The following TBCE variants were observed in gnomAD, a reference collection of about 807,000 sequenced individuals.
TBCE encodes tubulin-specific chaperone E.
TBCE carries 53 observed loss-of-function variants against 77.0 expected under a neutral mutation model. The ratio of observed to expected loss-of-function variants is 0.69; its 90% CI spans 0.55 to 0.87. TBCE has a LOEUF of 0.87. TBCE is among the 40% of genes least tolerant of loss of function. TBCE has a pLI of 0.00. For synonymous variants in TBCE, 235 were observed against 241.3 expected, an observed-to-expected ratio of 0.97 and a Z score of 0.24; for missense variants, 624 against 622.4, an observed-to-expected ratio of 1.00 and a Z score of -0.03.
At chr1:235,442,584 A>AT (rs1431729408) in intron 14 of TBCE, among the ~76,000 whole-genome samples, 1 of 152,232 alleles carries the variant, frequency 6.6e-6, no homozygotes, top group Non-Finnish European at 1.5e-5. Flanking sequence ...TGTGAACCAA[A>AT]TTGTGATTTG....
In TBCE at chr1:235,436,738, A is replaced by AC. The variant is rs60243825; in HGVS notation, c.963+130_963+131insC. 89,511 of 922,004 alleles carry AC rather than the reference A, an allele frequency of 0.097. 11,177 individuals are homozygous for AC. The highest frequency in any genetic ancestry group is 0.49 in the East Asian group (19,235 of 39,536). 57.1% of individuals were successfully genotyped at this position (922,004 alleles called of 1,614,324 possible). ...GAAAGAGAAATACCTCCTCAGAGTG[A>AC]AACTCCTCATAAGAAGCCAAAAATA... On this transcript the variant is annotated intron_variant, in intron 11 of 16. Transcript: ENST00000642610.
chr1:235,417,068 T>G (rs1680150987), intron 4 of TBCE, among the ~76,000 whole-genome samples: 1 of 152,228 alleles, frequency 6.6e-6, no homozygotes, highest in South Asian at 2.1e-4. Context: ...TCTTATCTCA[T>G]CAATAAAATC....
chr1:235,440,217 A>G (rs537095351), intron 13 of TBCE, among the ~76,000 whole-genome samples: 1,582 of 151,810 alleles, frequency 0.01, 18 homozygotes, highest in African/African-American at 0.034. Context: ...TGATCCACCC[A>G]CCTTGGCCTC....
intron 12 of TBCE, among the ~76,000 whole-genome samples, chr1:235,438,481 G>A (rs980458483): frequency 7.9e-5 from 12 of 151,778 alleles, no homozygotes; most frequent in African/African-American, 2.9e-4. Context: ...CTGGGAGGTG[G>A]AGGTTGCAGT....
At chr1:235,406,975 TA>T (rs1261674856) in intron 3 of TBCE, among the ~76,000 whole-genome samples, 1 of 151,660 alleles carries the variant, frequency 6.6e-6, no homozygotes, top group African/African-American at 2.4e-5. Context: ...GCTGGTATTA[TA>T]GGAAAGTGCC....
At chr1:235,379,126 T>C (rs1258809480) in intron 1 of TBCE, among the ~76,000 whole-genome samples, 1 of 152,176 alleles carries the variant, frequency 6.6e-6, no homozygotes, top group African/African-American at 2.4e-5. Flanking sequence ...AACTATTATG[T>C]TTTTGCAGGA....
chr1:235,433,993 G>A, intron 7 of TBCE: 1 of 600,228 alleles, frequency 1.7e-6, no homozygotes, highest in Non-Finnish European at 3.0e-6. Flanking sequence ...CCCACAGTGT[G>A]TGCTCCCACA....
rs551239991 is a variant in TBCE at position 235,369,923 on chromosome 1, G to A, written c.-32+2419G>A. Among the ~76,000 whole-genome samples the A allele has an allele frequency of 2.4e-4, 36 of 151,738 alleles. 1 individual carries two copies. In the South Asian group the frequency reaches 6.0e-3, roughly 25 times the overall value. On this transcript the variant is annotated intron_variant, in intron 1 of 16. Coordinates refer to ENST00000642610, the MANE Select transcript of TBCE (RefSeq NM_003193.5). Reference sequence around the variant, plus strand: ...CCTGCTTCACTGCTGATCTCATGTCGTTCTCATCTCCTGTTTGCTCTACTG... The same window carrying A: ...CCTGCTTCACTGCTGATCTCATGTCATTCTCATCTCCTGTTTGCTCTACTG...
chr1:235,372,942 AAAAG>A (rs1053728611), intron 1 of TBCE, among the ~76,000 whole-genome samples: 4 of 151,750 alleles, frequency 2.6e-5, no homozygotes, highest in African/African-American at 9.6e-5. Flanking sequence ...AAAAAAAAAA[AAAAG>A]AGAGAAATTA....
At chr1:235,398,652 T>G (rs1678895319) in intron 2 of TBCE, among the ~76,000 whole-genome samples, 1 of 147,388 alleles carries the variant, frequency 6.8e-6, no homozygotes, top group African/African-American at 2.5e-5. Flanking sequence ...AAGGTCTTAC[T>G]CCATTGCTCA....
At chr1:235,440,241 A>G (rs1217499254) in intron 13 of TBCE, among the ~76,000 whole-genome samples, 4 of 152,160 alleles carry the variant, frequency 2.6e-5, no homozygotes, top group Non-Finnish European at 5.9e-5. Context: ...GAGTGCTGGG[A>G]TTACAGGCGT....
chr1:235,435,377 A>G (rs901362116), intron 8 of TBCE, among the ~76,000 whole-genome samples: 1 of 152,122 alleles, frequency 6.6e-6, no homozygotes, highest in African/African-American at 2.4e-5. Context: ...CTGGGATTAC[A>G]GGTGTGAGCC....
chr1:235,448,329 C>CTT lies in TBCE; in HGVS notation c.1400-17_1400-16dup. 1 of 1,608,966 alleles carries CTT rather than the reference C, an allele frequency of 6.2e-7. No individual in the cohort carries two copies. Among genetic ancestry groups the CTT allele is most frequent in the Non-Finnish European group, 8.5e-7 (1 of 1,176,226 alleles). The stretch of plus-strand genomic sequence containing the variant: ...ACTGTCATTTGAGAGAACGAATGGA[C>CTT]TTTTCTTGTCTTTTGATAGGCTCCA... On this transcript the variant is annotated intron_variant, in intron 15 of 16. Coordinates refer to ENST00000642610, the MANE Select transcript of TBCE (RefSeq NM_003193.5).
At chr1:235,371,345 C>T (rs541449696) in intron 1 of TBCE, among the ~76,000 whole-genome samples, 3 of 149,438 alleles carry the variant, frequency 2.0e-5, no homozygotes, top group East Asian at 2.0e-4. Context: ...CGTGAGCCAC[C>T]GCCCCCGGCC....
chr1:235,413,410 C>T (rs760609794), intron 3 of TBCE, among the ~76,000 whole-genome samples: 2 of 151,586 alleles, frequency 1.3e-5, no homozygotes, highest in African/African-American at 4.8e-5. Flanking sequence ...GCCTGTAATC[C>T]CAGCACTTTG....
intron 7 of TBCE, chr1:235,433,337 C>T: frequency 3.1e-6 from 1 of 321,170 alleles, no homozygotes; most frequent in African/African-American, 2.2e-5. Flanking sequence ...TCTCCTGCGT[C>T]AGCCTCCCAA....
chr1:235,429,540 C>G (rs1680965414), intron 6 of TBCE: 1 of 152,154 alleles, frequency 6.6e-6, no homozygotes, highest in Non-Finnish European at 1.5e-5. Context: ...TTGAAAACTT[C>G]TAGCGTTTAA....
chr1:235,401,105 C>T (rs528446342), intron 2 of TBCE, among the ~76,000 whole-genome samples: 26 of 151,356 alleles, frequency 1.7e-4, no homozygotes, highest in Admixed American at 9.2e-4. Context: ...GTGAAATATA[C>T]GTAACATAAA....
intron 2 of TBCE, among the ~76,000 whole-genome samples, chr1:235,397,351 G>C (rs928777694): frequency 3.9e-5 from 6 of 152,040 alleles, no homozygotes; most frequent in African/African-American, 1.4e-4. Context: ...ACGGGCGCCC[G>C]CCAGGATGCG....
Sources: allele counts gnomAD v4.1 joint callset (sites outside exome capture counted in the v4.1 genomes callset), GRCh38; gene constraint gnomAD v4.1.1; transcripts MANE v1.5; gene names NCBI Gene and HGNC (gene_info 2026-07-23, HGNC 2026-07-21).